The following COLEC12 variants were observed in gnomAD, a reference collection of about 807,000 sequenced individuals.
COLEC12 encodes collectin subfamily member 12.
Under a neutral mutation model 71.1 loss-of-function variants are expected in COLEC12, and 33 were observed. That is an observed-to-expected ratio of 0.46 (90% CI 0.35 to 0.62). COLEC12 has a LOEUF of 0.62. Ranked by LOEUF, COLEC12 falls within the 20% of genes least tolerant of loss-of-function variation. The pLI, the probability that COLEC12 is intolerant of heterozygous loss-of-function variation, is 0.00. For missense variants in COLEC12, 765 were observed against 916.1 expected (o/e 0.84, Z 2.13); for synonymous variants, 350 against 353.0 (o/e 0.99, Z 0.10).
At chr18:446,340 A>C (rs1226881417) in intron 2 of COLEC12, among the ~76,000 whole-genome samples, 1 of 152,174 alleles carries the variant, frequency 6.6e-6, no homozygotes, top group African/African-American at 2.4e-5. Context: ...CTGCTGGGTC[A>C]TATGAAAATT....
At chr18:354,563 G>A (rs184760487) in intron 3 of COLEC12, among the ~76,000 whole-genome samples, 1 of 152,052 alleles carries the variant, frequency 6.6e-6, no homozygotes, top group Non-Finnish European at 1.5e-5. Flanking sequence ...AGTTTCTCTA[G>A]ACTTCAAAGG....
At chr18:452,590 T>C (rs1916784447) in intron 2 of COLEC12, among the ~76,000 whole-genome samples, 1 of 152,200 alleles carries the variant, frequency 6.6e-6, no homozygotes, top group African/African-American at 2.4e-5. Context: ...AATCCTCTCA[T>C]TAGCTGTGTG....
chr18:329,498 A>C (rs1913921856), intron 8 of COLEC12, among the ~76,000 whole-genome samples: 1 of 152,184 alleles, frequency 6.6e-6, no homozygotes, highest in Non-Finnish European at 1.5e-5. Flanking sequence ...TTCTACAGCT[A>C]CTGTTTTAGA....
At chr18:414,965 C>T (rs971944361) in intron 2 of COLEC12, among the ~76,000 whole-genome samples, 6 of 152,216 alleles carry the variant, frequency 3.9e-5, no homozygotes, top group African/African-American at 1.2e-4. Flanking sequence ...TAATATTTCA[C>T]TTGGAATATT....
At chr18:378,829 T>G (rs1305124390) in intron 2 of COLEC12, among the ~76,000 whole-genome samples, 7 of 152,154 alleles carry the variant, frequency 4.6e-5, no homozygotes. Context: ...TTCTTACATC[T>G]CCTTCCTTCT....
chr18:342,306 C>A (rs571472422), intron 5 of COLEC12, among the ~76,000 whole-genome samples: 3 of 152,358 alleles, frequency 2.0e-5, no homozygotes, highest in Admixed American at 2.0e-4. Context: ...GTTTTCTTAA[C>A]AAGGCTTCTT....
intron 6 of COLEC12, chr18:333,368 C>G: frequency 4.5e-6 from 2 of 440,134 alleles, no homozygotes; most frequent in Non-Finnish European, 8.0e-6. Flanking sequence ...AGATCTTTGA[C>G]TGGGTCTTTG....
chr18:449,928 G>C (rs1567911300), intron 2 of COLEC12, among the ~76,000 whole-genome samples: 1 of 152,236 alleles, frequency 6.6e-6, no homozygotes, highest in East Asian at 1.9e-4. Context: ...TTTTGTTACT[G>C]ACAGTAATAA....
chr18:395,630 C>T (rs553686982), intron 2 of COLEC12, among the ~76,000 whole-genome samples: 3 of 152,248 alleles, frequency 2.0e-5, no homozygotes, highest in East Asian at 3.9e-4. Context: ...ATATAAGTTC[C>T]GAGGCGATTA....
chr18:322,699 G>A (rs1469943347), intron 8 of COLEC12, among the ~76,000 whole-genome samples: 3 of 152,174 alleles, frequency 2.0e-5, no homozygotes, highest in African/African-American at 7.2e-5. Context: ...GGAGGGTCTG[G>A]AAGAACATCT....
chr18:488,761 T>C (rs867171373), intron 1 of COLEC12, among the ~76,000 whole-genome samples: 9 of 151,884 alleles, frequency 5.9e-5, no homozygotes, highest in Middle Eastern at 3.4e-3. Context: ...TAATACCAGC[T>C]ACTCGGGAGG....
intron 2 of COLEC12, among the ~76,000 whole-genome samples, chr18:427,134 G>C (rs947462702): frequency 7.9e-5 from 12 of 152,198 alleles, no homozygotes; most frequent in African/African-American, 2.9e-4. Flanking sequence ...CAGATGACTT[G>C]AGGGAAGAGG....
chr18:500,545 G>A lies in COLEC12; in HGVS notation c.-31C>T, dbSNP rs1016859205. 4.9e-6 allele frequency: 6 copies of A among 1,222,552 alleles called. No homozygotes were observed. The South Asian group carries it at 1.6e-4, about 32-fold the overall frequency. The allele number at this position is 1,222,552 out of a possible 1,614,324, so 75.7% of individuals were successfully genotyped here. The stretch of plus-strand genomic sequence containing the variant: ...CCGTGGGGACGCACCGCCGGCCGGG[G>A]AGCTCCGCGCGAGCGCCGCGCAGCC... On this transcript the variant is annotated 5_prime_UTR_variant, in exon 1 of 10. Coordinates refer to ENST00000400256, the MANE Select transcript of COLEC12 (RefSeq NM_130386.3). The surrounding 1 kb of genome is among the most constrained non-coding windows in gnomAD (Gnocchi z 5.3).
rs776586291 is a variant in COLEC12, at chr18:334,817, C to T, written c.1741G>A (p.Gly581Ser). 25 of 1,519,140 alleles carry T rather than the reference C, an allele frequency of 1.6e-5. No individual in the cohort carries two copies. Among genetic ancestry groups the T allele is most frequent in the South Asian group, 2.6e-5 (2 of 78,148 alleles). 94.1% of individuals were successfully genotyped at this position (1,519,140 alleles called of 1,614,324 possible). A position where few individuals can be genotyped will look rare whatever the true frequency, so the allele number is the denominator to read the frequency against. ...ACCGCTCCTGATGGGCCAGGAGGGCCGGGGGGGCCCTTGGGGCCTGGCATG... is the reference window on the plus strand; with the variant it reads ...ACCGCTCCTGATGGGCCAGGAGGGCTGGGGGGGCCCTTGGGGCCTGGCATG... ...PGMPGPKGPP[G>S]PPGPSGAVVP... The change falls in exon 6 of 10, where the codon GGC becomes AGC. Residue 581 changes from glycine (G) to serine (S), a missense_variant. Physicochemically the swap from Gly to Ser is moderately conservative, Grantham distance 56. Transcript: ENST00000400256.
chr18:367,043 C>T (rs1215227978), intron 2 of COLEC12, among the ~76,000 whole-genome samples: 1 of 152,162 alleles, frequency 6.6e-6, no homozygotes, highest in Non-Finnish European at 1.5e-5. Context: ...TGAAGTGAGT[C>T]CCAAGACCCT....
intron 2 of COLEC12, among the ~76,000 whole-genome samples, chr18:364,712 T>C (rs1026842587): frequency 2.0e-5 from 3 of 152,146 alleles, no homozygotes; most frequent in Non-Finnish European, 4.4e-5. Flanking sequence ...CCATGAGACA[T>C]TTCTTGAGTG....
intron 1 of COLEC12, among the ~76,000 whole-genome samples, chr18:493,827 T>A (rs1258432229): frequency 6.6e-6 from 1 of 152,260 alleles, no homozygotes; most frequent in Non-Finnish European, 1.5e-5. Context: ...TTTAAAAACA[T>A]ACTTATACAT....
At chr18:370,462 A>G (rs374730312) in intron 2 of COLEC12, among the ~76,000 whole-genome samples, 1 of 152,172 alleles carries the variant, frequency 6.6e-6, no homozygotes, top group African/African-American at 2.4e-5. Flanking sequence ...ACTTTGCTGA[A>G]GGTGTTCCCC....
chr18:478,918 T>C (rs1917355819), intron 2 of COLEC12, among the ~76,000 whole-genome samples: 1 of 123,198 alleles, frequency 8.1e-6, no homozygotes. Flanking sequence ...ATAAATGTAC[T>C]TTTTTGTGTG....
Sources: allele counts gnomAD v4.1 joint callset (sites outside exome capture counted in the v4.1 genomes callset), GRCh38; gene constraint gnomAD v4.1.1; non-coding constraint Gnocchi (gnomAD v3.1); transcripts MANE v1.5; gene names NCBI Gene and HGNC (gene_info 2026-07-23, HGNC 2026-07-21).